The following KIF6 variants were observed in gnomAD, a reference collection of about 807,000 sequenced individuals.
KIF6 encodes the protein kinesin-like protein KIF6.
A neutral mutation model predicts 112.7 loss-of-function variants in KIF6; 106 were observed. The ratio of observed to expected loss-of-function variants is 0.94; its 90% CI spans 0.80 to 1.11. The LOEUF (loss-of-function observed/expected upper bound fraction) is 1.11, where lower values mean the gene tolerates loss of function less well. Ranked by LOEUF, KIF6 falls within the 50% of genes least tolerant of loss-of-function variation. The pLI is 0.00. For synonymous variants in KIF6, 339 were observed against 339.9 expected (o/e 1.00, Z 0.03); for missense variants, 929 against 964.0 (o/e 0.96, Z 0.48).
At chr6:39,462,385 A>G (rs114220082) in intron 13 of KIF6, among the ~76,000 whole-genome samples, 3 of 152,352 alleles carry the variant, frequency 2.0e-5, no homozygotes, top group African/African-American at 7.2e-5. Context: ...TACACTAAGA[A>G]TGATGAAGTA....
chr6:39,537,104 A>G (rs1276339231), intron 13 of KIF6, among the ~76,000 whole-genome samples: 2 of 152,114 alleles, frequency 1.3e-5, no homozygotes, highest in East Asian at 1.9e-4. Context: ...CCCATAGCCA[A>G]TATCATACTG....
intron 13 of KIF6, among the ~76,000 whole-genome samples, chr6:39,510,363 A>T (rs1490664409): frequency 6.6e-6 from 1 of 152,144 alleles, no homozygotes; most frequent in Non-Finnish European, 1.5e-5. Context: ...AAGTGCTGGG[A>T]TTACAGGCGT....
intron 5 of KIF6, among the ~76,000 whole-genome samples, chr6:39,617,471 G>A (rs983506641): frequency 6.4e-4 from 98 of 152,054 alleles, no homozygotes; most frequent in African/African-American, 2.3e-3. Flanking sequence ...GGTTTCTAAC[G>A]TTCATGTTAT....
chr6:39,672,672 TC>T (rs1786894582), intron 3 of KIF6, among the ~76,000 whole-genome samples: 1 of 152,130 alleles, frequency 6.6e-6, no homozygotes, highest in African/African-American at 2.4e-5. Context: ...TCTGGTGAGG[TC>T]CCTGGCTTGC....
chr6:39,675,604 A>G (rs1787085533), intron 3 of KIF6, among the ~76,000 whole-genome samples: 1 of 32,236 alleles, frequency 3.1e-5, no homozygotes, highest in Non-Finnish European at 7.6e-5. Context: ...CAAAACCCAC[A>G]AGAACACAAT....
chr6:39,592,581 G>A (rs1782011960), intron 7 of KIF6, among the ~76,000 whole-genome samples: 2 of 152,184 alleles, frequency 1.3e-5, no homozygotes, highest in Admixed American at 1.3e-4. Context: ...TTGATGTTTG[G>A]GCTGATAGAG....
chr6:39,679,747 C>T (rs1184662867), intron 3 of KIF6, among the ~76,000 whole-genome samples: 1 of 150,960 alleles, frequency 6.6e-6, no homozygotes, highest in Non-Finnish European at 1.5e-5. Context: ...TCCCGAGTAG[C>T]TGGGACTACA....
intron 6 of KIF6, among the ~76,000 whole-genome samples, chr6:39,609,936 A>G (rs1288876750): frequency 6.6e-6 from 1 of 152,228 alleles, no homozygotes; most frequent in Non-Finnish European, 1.5e-5. Context: ...TAATTATCAC[A>G]GGGTATTCTA....
chr6:39,523,689 TATATATATG>T, intron 13 of KIF6, among the ~76,000 whole-genome samples: 1 of 118,546 alleles, frequency 8.4e-6, no homozygotes, highest in Non-Finnish European at 1.8e-5. Flanking sequence ...TATATATATA[TATATATATG>T]ATTACTCTTT....
chr6:39,706,244 T>G (rs1351658387), intron 3 of KIF6, among the ~76,000 whole-genome samples: 1 of 152,232 alleles, frequency 6.6e-6, no homozygotes, highest in Non-Finnish European at 1.5e-5. Context: ...AATGATAGTA[T>G]GCAATTTCTT....
At chr6:39,692,379 T>C (rs1311258924) in intron 3 of KIF6, among the ~76,000 whole-genome samples, 6 of 152,236 alleles carry the variant, frequency 3.9e-5, no homozygotes, top group Non-Finnish European at 7.3e-5. Context: ...AGCTTGTCTG[T>C]ACTCACTTTT....
At chr6:39,679,521 A>T (rs1016424685) in intron 3 of KIF6, among the ~76,000 whole-genome samples, 2 of 151,920 alleles carry the variant, frequency 1.3e-5, no homozygotes, top group African/African-American at 2.4e-5. Context: ...TTCTCTCTCC[A>T]TGGAATGCTA....
chr6:39,442,002 A>C (rs992112503), intron 13 of KIF6, among the ~76,000 whole-genome samples: 2 of 152,162 alleles, frequency 1.3e-5, no homozygotes, highest in Admixed American at 1.3e-4. Flanking sequence ...AAGCCACATA[A>C]ACCTTAGGAG....
intron 20 of KIF6, 123 bp from the exon 21 acceptor site, chr6:39,345,912 C>A: frequency 3.0e-6 from 2 of 670,276 alleles, no homozygotes; most frequent in South Asian, 3.7e-5. Flanking sequence ...TATGTGGACA[C>A]CCTAATTCCC....
intron 13 of KIF6, among the ~76,000 whole-genome samples, chr6:39,499,351 G>A (rs745434866): frequency 9.2e-5 from 14 of 151,994 alleles, no homozygotes; most frequent in Non-Finnish European, 1.6e-4. Flanking sequence ...TAAAGAAAGG[G>A]GAGGGAGAAA....
At chr6:39,465,074 C>T (rs1773707462) in intron 13 of KIF6, among the ~76,000 whole-genome samples, 1 of 152,180 alleles carries the variant, frequency 6.6e-6, no homozygotes. Flanking sequence ...ATTTATGGCA[C>T]CACCAGATGT....
chr6:39,391,223 G>A (rs1767862463), intron 15 of KIF6, among the ~76,000 whole-genome samples: 1 of 152,224 alleles, frequency 6.6e-6, no homozygotes. Flanking sequence ...GGTGAGTGGA[G>A]CTGAGGCCTT....
chr6:39,639,700 C>T lies in KIF6; in HGVS notation c.309G>A (p.Lys103=). The change falls in exon 4 of 23, where the codon AAG becomes AAA. Residue 103 remains lysine (K), a synonymous_variant. Transcript: ENST00000287152. ...CTGCACCCCCTGTGATAGTGAATGT[C>T]TTCCCGCTGCCTGTTTGCCCATATG... ...IFAYGQTGSG[K]TFTITGGAER... is the part of the protein sequence containing the mutation. 6.2e-7 allele frequency: 1 copy of T among 1,612,496 alleles called. No homozygotes were observed. Among genetic ancestry groups the T allele is most frequent in the Non-Finnish European group, 8.5e-7 (1 of 1,179,070 alleles).
At chr6:39,393,499 T>C (rs1768037677) in intron 15 of KIF6, among the ~76,000 whole-genome samples, 1 of 152,138 alleles carries the variant, frequency 6.6e-6, no homozygotes, top group Non-Finnish European at 1.5e-5. Flanking sequence ...AAAGTTGTTA[T>C]GATCAGCAAG....
Sources: gnomAD v4.1 joint callset for allele counts (sites outside exome capture counted in the v4.1 genomes callset) on GRCh38, gnomAD v4.1.1 for gene constraint, MANE v1.5 for transcripts, NCBI Gene and HGNC (gene_info 2026-07-23, HGNC 2026-07-21) for gene names.